The following LEF1 variants were observed in gnomAD, a reference collection of about 807,000 sequenced individuals.
LEF1 encodes lymphoid enhancer-binding factor 1.
LEF1 carries 14 observed loss-of-function variants against 51.2 expected under a neutral mutation model. The ratio of observed to expected loss-of-function variants is 0.27; its 90% CI spans 0.18 to 0.43. LEF1 has a LOEUF of 0.43. Among genes scored for constraint, LEF1 ranks in the 20% least tolerant of loss-of-function variants. The pLI is 1.00. For synonymous variants in LEF1, 185 were observed against 183.2 expected (o/e 1.01, Z -0.08); for missense variants, 386 against 512.0 (o/e 0.75, Z 2.37).
chr4:108,079,775 T>G (rs1258092875), intron 6 of LEF1, among the ~76,000 whole-genome samples, 161 bp from the exon 7 acceptor site: 1 of 152,232 alleles, frequency 6.6e-6, no homozygotes, highest in African/African-American at 2.4e-5. Context: ...GATAATTATT[T>G]TTTTCTTTCT....
At chr4:108,073,653 G>A (rs924420753) in intron 8 of LEF1, among the ~76,000 whole-genome samples, 1 of 152,008 alleles carries the variant, frequency 6.6e-6, no homozygotes, top group East Asian at 1.9e-4. Context: ...TCCCAAAATA[G>A]GTATCAAGTT....
chr4:108,152,090 G>C (rs1452448438), intron 3 of LEF1, among the ~76,000 whole-genome samples: 1 of 152,184 alleles, frequency 6.6e-6, no homozygotes, highest in East Asian at 1.9e-4. Flanking sequence ...AGAGCTCTGA[G>C]GGAGGACTTA....
intron 9 of LEF1, among the ~76,000 whole-genome samples, chr4:108,066,156 G>A (rs965806639): frequency 6.6e-6 from 1 of 152,170 alleles, no homozygotes. Context: ...GCCCCTATAA[G>A]TGGGGCTTCT....
chr4:108,063,689 A>C (rs1737852082), intron 10 of LEF1, 26 bp from the exon 11 acceptor site: 2 of 1,549,024 alleles, frequency 1.3e-6, no homozygotes, highest in African/African-American at 2.8e-5. Context: ...TCTTTAACAA[A>C]TTTTTATTGA....
intron 3 of LEF1, among the ~76,000 whole-genome samples, chr4:108,153,993 C>A (rs1256909028): frequency 6.6e-6 from 1 of 152,128 alleles, no homozygotes; most frequent in African/African-American, 2.4e-5. Flanking sequence ...TAAAAGGCCA[C>A]ACAGAAAAAG....
At chr4:108,115,587 G>A (rs1741782055) in intron 3 of LEF1, among the ~76,000 whole-genome samples, 1 of 152,180 alleles carries the variant, frequency 6.6e-6, no homozygotes, top group Non-Finnish European at 1.5e-5. Flanking sequence ...AATCAGACTG[G>A]AAGAGGTTAA....
At chr4:108,157,219 C>CACACACACACACAA (rs1491087050) in intron 3 of LEF1, among the ~76,000 whole-genome samples, 1 of 146,662 alleles carries the variant, frequency 6.8e-6, no homozygotes, top group East Asian at 1.9e-4. Flanking sequence ...CACACACACA[C>CACACACACACACAA]AAACACACAT....
intron 9 of LEF1, among the ~76,000 whole-genome samples, chr4:108,067,143 G>T (rs1430164724): frequency 6.6e-6 from 1 of 152,148 alleles, no homozygotes; most frequent in Non-Finnish European, 1.5e-5. Flanking sequence ...TTTTGATTAT[G>T]ATGAAAACAC....
At chr4:108,107,816 C>A (rs1237563270) in intron 3 of LEF1, among the ~76,000 whole-genome samples, 2 of 152,070 alleles carry the variant, frequency 1.3e-5, no homozygotes, top group East Asian at 3.9e-4. Flanking sequence ...CTGCCATTTT[C>A]CCCGTTACTG....
intron 3 of LEF1, among the ~76,000 whole-genome samples, chr4:108,121,005 A>C (rs565730312): frequency 3.5e-4 from 54 of 152,232 alleles, no homozygotes; most frequent in African/African-American, 1.3e-3. Context: ...CAAAGTAAAA[A>C]CTCAATCATA....
At chr4:108,130,268 T>C (rs914767695) in intron 3 of LEF1, among the ~76,000 whole-genome samples, 1 of 152,298 alleles carries the variant, frequency 6.6e-6, no homozygotes, top group Non-Finnish European at 1.5e-5. Context: ...ATGATTCTCC[T>C]TAAATGAGAC....
intron 3 of LEF1, among the ~76,000 whole-genome samples, chr4:108,141,493 C>T (rs937986748): frequency 2.0e-5 from 3 of 152,154 alleles, no homozygotes; most frequent in African/African-American, 7.2e-5. Context: ...GTAACAAACC[C>T]GTAATCTCGT....
chr4:108,084,918 C>T (rs186991515), intron 4 of LEF1, among the ~76,000 whole-genome samples: 15 of 152,052 alleles, frequency 9.9e-5, no homozygotes, highest in Admixed American at 5.9e-4. Flanking sequence ...CCAAATCTCA[C>T]GGTCTGTAAG....
At chr4:108,103,905 C>T (rs1316401226) in intron 3 of LEF1, among the ~76,000 whole-genome samples, 2 of 152,164 alleles carry the variant, frequency 1.3e-5, no homozygotes, top group Admixed American at 6.5e-5. Context: ...TACCATACGA[C>T]CCAGTGATGC....
chr4:108,159,577 G>A (rs927134006), intron 3 of LEF1, among the ~76,000 whole-genome samples: 9 of 152,124 alleles, frequency 5.9e-5, no homozygotes, highest in East Asian at 3.9e-4. Flanking sequence ...ACAATGTCAC[G>A]TACAGTGGTA....
intron 8 of LEF1, 69 bp downstream of exon 8, chr4:108,078,151 A>G: frequency 6.8e-7 from 1 of 1,464,368 alleles, no homozygotes; most frequent in Non-Finnish European, 9.5e-7. Context: ...ATGGGATTAA[A>G]TTGGGGCAGA....
chr4:108,049,834 A>C (rs1021902472), intron 11 of LEF1, among the ~76,000 whole-genome samples: 3 of 152,248 alleles, frequency 2.0e-5, no homozygotes, highest in African/African-American at 7.2e-5. Flanking sequence ...TGAATACAAA[A>C]GTCTAGATGG....
chr4:108,144,824 T>C (rs1458699278), intron 3 of LEF1, among the ~76,000 whole-genome samples: 2 of 121,866 alleles, frequency 1.6e-5, no homozygotes, highest in African/African-American at 6.5e-5. Flanking sequence ...TTCTGAGCAA[T>C]CTGCAAGTAA....
chr4:108,140,304 G>A (rs967093898), intron 3 of LEF1, among the ~76,000 whole-genome samples: 1 of 152,124 alleles, frequency 6.6e-6, no homozygotes, highest in Non-Finnish European at 1.5e-5. Flanking sequence ...AAAACTTTTT[G>A]ATAAGATAAA....
Sources: allele counts gnomAD v4.1 joint callset (sites outside exome capture counted in the v4.1 genomes callset), GRCh38; gene constraint gnomAD v4.1.1; transcripts MANE v1.5; gene names NCBI Gene and HGNC (gene_info 2026-07-23, HGNC 2026-07-21).